DYM: variants seen among roughly 807,000 people sequenced by gnomAD.
DYM encodes the protein dyggve-Melchior-Clausen syndrome protein.
A neutral mutation model predicts 93.1 loss-of-function variants in DYM; 78 were observed. That is an observed-to-expected ratio of 0.84 (90% CI 0.70 to 1.01). The LOEUF (loss-of-function observed/expected upper bound fraction) is 1.01, where lower values mean the gene tolerates loss of function less well. DYM is among the 50% of genes least tolerant of loss of function. The pLI is 0.00. For missense variants in DYM, 789 were observed against 845.0 expected (o/e 0.93, Z 0.82); for synonymous variants, 321 against 319.7 (o/e 1.00, Z -0.04).
chr18:49,433,523 T>C (rs1424654396), intron 1 of DYM, among the ~76,000 whole-genome samples: 1 of 152,126 alleles, frequency 6.6e-6, no homozygotes, highest in Non-Finnish European at 1.5e-5. Context: ...TAATAGGTAG[T>C]GCTCAATAGA....
At chr18:49,136,722 C>G (rs1419426850) in intron 15 of DYM, among the ~76,000 whole-genome samples, 1 of 152,146 alleles carries the variant, frequency 6.6e-6, no homozygotes, top group African/African-American at 2.4e-5. Context: ...AAATCCTCTT[C>G]TTTTGAGGCA....
chr18:49,221,371 A>G (rs1308385262), intron 13 of DYM, among the ~76,000 whole-genome samples: 1 of 152,110 alleles, frequency 6.6e-6, no homozygotes, highest in Non-Finnish European at 1.5e-5. Context: ...ATCTAGAACT[A>G]GAAATACCAT....
intron 2 of DYM, among the ~76,000 whole-genome samples, chr18:49,416,597 T>C (rs1051026469): frequency 3.3e-5 from 5 of 152,236 alleles, no homozygotes; most frequent in African/African-American, 1.2e-4. Flanking sequence ...TGCTGTTAGC[T>C]GGTTACACAC....
chr18:49,230,144 GTGTT>G (rs1241782862), intron 13 of DYM, among the ~76,000 whole-genome samples: 1 of 152,152 alleles, frequency 6.6e-6, no homozygotes, highest in Non-Finnish European at 1.5e-5. Context: ...ATGACTATAT[GTGTT>G]TGTCAACTCA....
intron 14 of DYM, among the ~76,000 whole-genome samples, chr18:49,185,777 C>T (rs549498486): frequency 1.2e-4 from 18 of 152,156 alleles, no homozygotes; most frequent in Non-Finnish European, 2.2e-4. Context: ...CCCTGTTATT[C>T]CCAACTTGCT....
At chr18:49,358,702 G>A (rs2065771278) in intron 6 of DYM, among the ~76,000 whole-genome samples, 2 of 152,122 alleles carry the variant, frequency 1.3e-5, no homozygotes, top group Admixed American at 6.5e-5. Flanking sequence ...GCTGTATTTT[G>A]GGTCTGAGGC....
intron 1 of DYM, among the ~76,000 whole-genome samples, chr18:49,459,113 C>T (rs1291120634): frequency 2.0e-5 from 3 of 152,182 alleles, no homozygotes; most frequent in Admixed American, 6.5e-5. Context: ...GTCGTAACAA[C>T]ACAGACTTCT....
At chr18:49,234,883 G>A (rs2093814250) in intron 13 of DYM, among the ~76,000 whole-genome samples, 1 of 152,204 alleles carries the variant, frequency 6.6e-6, no homozygotes, top group South Asian at 2.1e-4. Flanking sequence ...ATCATTTGAT[G>A]TGCCAGTTAG....
chr18:49,355,318 G>C (rs892126413), intron 6 of DYM, among the ~76,000 whole-genome samples: 8 of 151,818 alleles, frequency 5.3e-5, no homozygotes, highest in Non-Finnish European at 1.5e-5. Context: ...ATCATAGATA[G>C]ACATCAATGT....
chr18:49,440,400 C>T (rs1262104308), intron 1 of DYM, among the ~76,000 whole-genome samples: 1 of 114,954 alleles, frequency 8.7e-6, no homozygotes, highest in Non-Finnish European at 1.6e-5. Context: ...TATAATATAG[C>T]ATATTATATA....
chr18:49,284,837 CTG>C (rs2145800889), intron 9 of DYM, among the ~76,000 whole-genome samples: 1 of 152,172 alleles, frequency 6.6e-6, no homozygotes, highest in South Asian at 2.1e-4. Context: ...CCCTATTGTC[CTG>C]TGTTATAGTT....
chr18:49,089,656 G>C (rs1183400416), intron 17 of DYM, among the ~76,000 whole-genome samples: 2 of 152,228 alleles, frequency 1.3e-5, no homozygotes, highest in Non-Finnish European at 2.9e-5. Flanking sequence ...ACAGATTCCT[G>C]AGTTCATCAC....
chr18:49,312,535 C>T (rs1364512239), intron 8 of DYM, among the ~76,000 whole-genome samples: 1 of 152,208 alleles, frequency 6.6e-6, no homozygotes, highest in Non-Finnish European at 1.5e-5. Flanking sequence ...AACTTTCCCA[C>T]CTTCAGGTAA....
At chr18:49,426,412 G>T (rs2074294088) in intron 2 of DYM, among the ~76,000 whole-genome samples, 1 of 97,296 alleles carries the variant, frequency 1.0e-5, no homozygotes, top group Non-Finnish European at 1.9e-5. Context: ...GGGGGGAGGG[G>T]GGAGGGATAG....
intron 15 of DYM, among the ~76,000 whole-genome samples, chr18:49,162,606 A>G (rs2087300139): frequency 1.3e-5 from 2 of 152,200 alleles, no homozygotes; most frequent in Admixed American, 6.6e-5. Context: ...AAGTTTCAAC[A>G]TGAGTTTTGG....
chr18:49,064,627 G>A (rs145920473), intron 17 of DYM, among the ~76,000 whole-genome samples: 6 of 152,206 alleles, frequency 3.9e-5, no homozygotes, highest in African/African-American at 1.4e-4. Flanking sequence ...TGATGCAAGG[G>A]AAGTTTTAGC....
intron 14 of DYM, among the ~76,000 whole-genome samples, chr18:49,205,079 G>T (rs1215079795): frequency 6.6e-6 from 1 of 152,092 alleles, no homozygotes; most frequent in African/African-American, 2.4e-5. Flanking sequence ...TCCTGCCTCA[G>T]CCTCCCAAGT....
intron 14 of DYM, among the ~76,000 whole-genome samples, chr18:49,179,553 GTGA>G (rs376826679): frequency 4.6e-5 from 7 of 151,888 alleles, no homozygotes; most frequent in Admixed American, 1.3e-4. Context: ...TTATTTTGTT[GTGA>G]TGATGATGAT....
chr18:49,069,904 G>A (rs1027027337), intron 17 of DYM, among the ~76,000 whole-genome samples: 4 of 152,222 alleles, frequency 2.6e-5, no homozygotes, highest in African/African-American at 9.6e-5. Flanking sequence ...AGCTGGGTGT[G>A]GTGGCGCATG....
Sources: allele counts gnomAD v4.1 joint callset (sites outside exome capture counted in the v4.1 genomes callset), GRCh38; gene constraint gnomAD v4.1.1; transcripts MANE v1.5; gene names NCBI Gene and HGNC (gene_info 2026-07-23, HGNC 2026-07-21).